SOX5: variants seen among roughly 807,000 people sequenced by gnomAD.
The protein encoded by SOX5 is transcription factor SOX-5.
A neutral mutation model predicts 92.0 loss-of-function variants in SOX5; 9 were observed. That is an observed-to-expected ratio of 0.10 (90% CI 0.06 to 0.17). The LOEUF (loss-of-function observed/expected upper bound fraction) is 0.17. Among genes scored for constraint, SOX5 ranks in the 10% least tolerant of loss-of-function variants. SOX5 has a pLI of 1.00. For synonymous variants in SOX5, 344 were observed against 336.3 expected, an observed-to-expected ratio of 1.02 and a Z score of -0.25; for missense variants, 642 against 944.5, an observed-to-expected ratio of 0.68 and a Z score of 4.20.
At chr12:23,693,720 C>T (rs1179720695) in intron 6 of SOX5, among the ~76,000 whole-genome samples, 1 of 152,110 alleles carries the variant, frequency 6.6e-6, no homozygotes, top group Non-Finnish European at 1.5e-5. Context: ...TTGTATTACT[C>T]TCAACCAAAT....
chr12:24,262,115 T>C (rs576705023), intron 3 of SOX5, among the ~76,000 whole-genome samples: 147 of 152,272 alleles, frequency 9.7e-4, no homozygotes, highest in African/African-American at 3.5e-3. Context: ...AGGGGCAACA[T>C]AACATGTAAG....
intron 11 of SOX5, among the ~76,000 whole-genome samples, chr12:23,556,010 G>GT (rs1945111087): frequency 6.6e-6 from 1 of 152,134 alleles, no homozygotes; most frequent in Non-Finnish European, 1.5e-5. Flanking sequence ...GACATACAGA[G>GT]TGATGGATGG....
At chr12:23,914,185 A>G (rs2097385165) in intron 1 of SOX5, among the ~76,000 whole-genome samples, 2 of 152,184 alleles carry the variant, frequency 1.3e-5, no homozygotes, top group African/African-American at 4.8e-5. Flanking sequence ...AATGAAGTCT[A>G]ATTTTTTTTT....
At chr12:23,962,773 C>A (rs552238432) in intron 4 of SOX5, among the ~76,000 whole-genome samples, 1 of 152,180 alleles carries the variant, frequency 6.6e-6, no homozygotes, top group South Asian at 2.1e-4. Context: ...CGATTTGAGT[C>A]TTATTTTTGA....
chr12:23,590,776 A>G (rs757449683), intron 9 of SOX5, among the ~76,000 whole-genome samples: 10 of 152,046 alleles, frequency 6.6e-5, no homozygotes, highest in Non-Finnish European at 1.5e-4. Flanking sequence ...AAGTAATTCT[A>G]GAAGGCTCAT....
At chr12:24,203,074 A>T (rs74068442) in intron 4 of SOX5, among the ~76,000 whole-genome samples, 1,844 of 152,214 alleles carry the variant, frequency 0.012, 36 homozygotes, top group African/African-American at 0.038. Context: ...CATTCCTCTT[A>T]ATTGGCATTC....
At chr12:23,967,874 G>A (rs1947778564) in intron 4 of SOX5, among the ~76,000 whole-genome samples, 1 of 152,094 alleles carries the variant, frequency 6.6e-6, no homozygotes, top group South Asian at 2.1e-4. Context: ...TTGTTGCTAA[G>A]AAGATCCCAT....
At chr12:23,952,727 TGG>T (rs1945814430), upstream of SOX5, among the ~76,000 whole-genome samples, 4 of 152,136 alleles carry the variant, frequency 2.6e-5, no homozygotes, top group Non-Finnish European at 5.9e-5. Flanking sequence ...TTTGAACTAA[TGG>T]AACTCTAAGA....
At chr12:23,541,453 C>T (rs1316900367) in intron 13 of SOX5, among the ~76,000 whole-genome samples, 3 of 151,958 alleles carry the variant, frequency 2.0e-5, no homozygotes, top group Non-Finnish European at 2.9e-5. Flanking sequence ...CTAGAGTTTT[C>T]CCAAATGAAA....
At chr12:24,190,258 C>G (rs553756554) in intron 4 of SOX5, among the ~76,000 whole-genome samples, 26 of 152,054 alleles carry the variant, frequency 1.7e-4, no homozygotes, top group Non-Finnish European at 3.4e-4. Context: ...GAAAGAAGAC[C>G]CTGTGTCATT....
At chr12:23,811,564 G>C (rs956114035) in intron 3 of SOX5, among the ~76,000 whole-genome samples, 4 of 152,062 alleles carry the variant, frequency 2.6e-5, no homozygotes, top group Non-Finnish European at 4.4e-5. Context: ...CCAAAATAAA[G>C]AGATAAGACA....
At chr12:24,109,197 C>A (rs1337049288) in intron 4 of SOX5, among the ~76,000 whole-genome samples, 1 of 152,152 alleles carries the variant, frequency 6.6e-6, no homozygotes, top group Non-Finnish European at 1.5e-5. Context: ...ATTTTCATGT[C>A]ATCAATTTCT....
intron 1 of SOX5, among the ~76,000 whole-genome samples, chr12:24,556,149 A>G (rs76616710): frequency 6.6e-6 from 1 of 152,306 alleles, no homozygotes; most frequent in East Asian, 1.9e-4. Flanking sequence ...CATAGTCAAA[A>G]GGCTCTCCCG....
chr12:23,590,120 C>A (rs1951318884), intron 9 of SOX5, among the ~76,000 whole-genome samples: 1 of 151,778 alleles, frequency 6.6e-6, no homozygotes. Context: ...GTGAAATGAA[C>A]AGGGCAGAAG....
At chr12:24,329,987 C>A (rs904399454) in intron 2 of SOX5, among the ~76,000 whole-genome samples, 1 of 152,128 alleles carries the variant, frequency 6.6e-6, no homozygotes, top group African/African-American at 2.4e-5. Flanking sequence ...CGTGCCATTG[C>A]CCTCCAGCAT....
At chr12:23,746,359 A>C (rs1290538226) in intron 4 of SOX5, among the ~76,000 whole-genome samples, 1 of 152,176 alleles carries the variant, frequency 6.6e-6, no homozygotes, top group African/African-American at 2.4e-5. Context: ...TAAGAGTCAT[A>C]ACTTATATAT....
Position 23,534,000 on chromosome 12 carries a change from C to T in SOX5, c.*219G>A. The T allele has an allele frequency of 4.4e-6, 2 of 458,690 alleles. No homozygotes were observed. Among genetic ancestry groups the T allele is most frequent in the South Asian group, 3.5e-5 (1 of 28,724 alleles). 28.4% of individuals were successfully genotyped at this position (458,690 alleles called of 1,614,324 possible). A position where few individuals can be genotyped will look rare whatever the true frequency, so the allele number is the denominator to read the frequency against. ...TATTTTACCCATAGCTTATTTCAAT[C>T]TCTTGTTGTTGATATTGTTGTTTGC... is the stretch of plus-strand genomic sequence containing the variant. On this transcript the variant is annotated 3_prime_UTR_variant, in exon 15 of 15. Coordinates refer to ENST00000451604, the MANE Select transcript of SOX5 (RefSeq NM_006940.6).
chr12:23,997,609 C>T (rs1951157837), intron 4 of SOX5, among the ~76,000 whole-genome samples: 2 of 152,186 alleles, frequency 1.3e-5, no homozygotes, highest in South Asian at 4.1e-4. Flanking sequence ...GAATGTGATG[C>T]CTTATACATG....
chr12:23,757,875 A>G (rs2094443504), intron 3 of SOX5, among the ~76,000 whole-genome samples: 1 of 151,870 alleles, frequency 6.6e-6, no homozygotes, highest in African/African-American at 2.4e-5. Flanking sequence ...TCTAAGTTGC[A>G]GAGTTAAAGA....
Sources: allele counts gnomAD v4.1 joint callset (sites outside exome capture counted in the v4.1 genomes callset), GRCh38; gene constraint gnomAD v4.1.1; transcripts MANE v1.5; gene names NCBI Gene and HGNC (gene_info 2026-07-23, HGNC 2026-07-21).